Variants in MARCHF1 observed in about 807,000 individuals in gnomAD.
The protein encoded by MARCHF1 is E3 ubiquitin-protein ligase MARCHF1.
Under a neutral mutation model 54.2 loss-of-function variants are expected in MARCHF1, and 40 were observed. The ratio of observed to expected loss-of-function variants is 0.74; its 90% CI spans 0.57 to 0.96. The LOEUF (loss-of-function observed/expected upper bound fraction) is 0.96, where lower values mean the gene tolerates loss of function less well. Among genes scored for constraint, MARCHF1 ranks in the 40% least tolerant of loss-of-function variants. The pLI, the probability that MARCHF1 is intolerant of heterozygous loss-of-function variation, is 0.00. For synonymous variants in MARCHF1, 236 were observed against 236.3 expected (o/e 1.00, Z 0.01); for missense variants, 586 against 656.5 (o/e 0.89, Z 1.17).
intron 1 of MARCHF1, among the ~76,000 whole-genome samples, chr4:164,362,736 A>G (rs572584381): frequency 2.6e-4 from 40 of 152,310 alleles, no homozygotes; most frequent in Non-Finnish European, 3.8e-4. Context: ...AACATAATTT[A>G]GTGAGAGACA....
chr4:164,327,530 T>C (rs1348912609), intron 1 of MARCHF1, among the ~76,000 whole-genome samples: 1 of 152,128 alleles, frequency 6.6e-6, no homozygotes, highest in African/African-American at 2.4e-5. Flanking sequence ...AAAAATAGTA[T>C]GCTTGGGAAT....
intron 8 of MARCHF1, among the ~76,000 whole-genome samples, chr4:163,581,450 G>A (rs1363311793): frequency 2.0e-5 from 3 of 152,108 alleles, no homozygotes; most frequent in East Asian, 3.8e-4. Flanking sequence ...TCATTCAAAG[G>A]GTGCAGGAAG....
rs1180929026 is a variant in MARCHF1, at chr4:163,894,329, G to T, written c.-38-40160C>A. 4.0e-5 allele frequency among the ~76,000 whole-genome samples: 6 copies of T among 151,704 alleles called. 1 individual carries two copies. The East Asian group carries it at 9.7e-4, about 25-fold the overall frequency. On this transcript the variant is annotated intron_variant, in intron 3 of 9. Transcript: ENST00000514618. The stretch of plus-strand genomic sequence containing the variant: ...TACTTGTGTAAATCAGCACATGGGG[G>T]TATAAGAAAATATAGAACAAAAATT...
intron 2 of MARCHF1, among the ~76,000 whole-genome samples, chr4:164,062,201 A>C (rs554511933): frequency 2.0e-5 from 3 of 152,182 alleles, no homozygotes; most frequent in Non-Finnish European, 4.4e-5. Flanking sequence ...TTTAAATTTT[A>C]TCATGAGATT....
At chr4:163,733,258 T>TATACACATATATATATATACAC (rs1554008879) in intron 4 of MARCHF1, among the ~76,000 whole-genome samples, 1 of 45,062 alleles carries the variant, frequency 2.2e-5, no homozygotes, top group African/African-American at 6.6e-5. Context: ...TATATATATA[T>TATACACATATATATATATACAC]ACACACACAC....
intron 5 of MARCHF1, among the ~76,000 whole-genome samples, chr4:163,638,717 C>T (rs1742441643): frequency 6.6e-6 from 1 of 152,102 alleles, no homozygotes; most frequent in Non-Finnish European, 1.5e-5. Flanking sequence ...TGTACATTCA[C>T]ATTCATTGAA....
Position 164,261,423 on chromosome 4 carries a change from C to T in MARCHF1, c.-323+122447G>A, listed in dbSNP as rs1346477018. On this transcript the variant is annotated intron_variant, in intron 1 of 9. Coordinates refer to ENST00000514618, the MANE Select transcript of MARCHF1 (RefSeq NM_001394959.1). ...TCACTTCAATGAATTCTTCATTCAG[C>T]AAAATTTTTAAGGTACCTTAAAAAA... is the stretch of plus-strand genomic sequence containing the variant. Among the ~76,000 whole-genome samples, 5 of 152,090 alleles carry T rather than the reference C, an allele frequency of 3.3e-5. No homozygotes were observed. The East Asian group carries it at 9.6e-4, about 29-fold the overall frequency.
chr4:164,317,075 C>T (rs1254455301), intron 1 of MARCHF1, among the ~76,000 whole-genome samples: 1 of 152,058 alleles, frequency 6.6e-6, no homozygotes, highest in African/African-American at 2.4e-5. Flanking sequence ...CTATTATTGC[C>T]TTGATCATTA....
chr4:164,028,435 G>A (rs897051307), intron 2 of MARCHF1, among the ~76,000 whole-genome samples: 1 of 152,086 alleles, frequency 6.6e-6, no homozygotes, highest in Admixed American at 6.6e-5. Context: ...CACAAATGCT[G>A]CTAGAGGCCA....
chr4:163,952,833 T>C (rs1313801189), intron 3 of MARCHF1, among the ~76,000 whole-genome samples: 1 of 152,194 alleles, frequency 6.6e-6, no homozygotes, highest in Non-Finnish European at 1.5e-5. Flanking sequence ...TCTGAAATTT[T>C]TCCTAGGGAC....
chr4:164,274,294 C>A (rs1733816566), intron 1 of MARCHF1, among the ~76,000 whole-genome samples: 1 of 152,106 alleles, frequency 6.6e-6, no homozygotes, highest in East Asian at 1.9e-4. Context: ...TGACTCAGGG[C>A]CTTATCCATA....
intron 2 of MARCHF1, among the ~76,000 whole-genome samples, chr4:164,095,955 GC>G (rs1755401630): frequency 2.0e-5 from 3 of 152,142 alleles, no homozygotes; most frequent in Non-Finnish European, 4.4e-5. Flanking sequence ...GAACGCTCAT[GC>G]AGTGCTGCTG....
intron 2 of MARCHF1, among the ~76,000 whole-genome samples, chr4:164,101,118 AC>A (rs1340310903): frequency 6.6e-6 from 1 of 152,218 alleles, no homozygotes; most frequent in East Asian, 1.9e-4. Flanking sequence ...TCCTACGCCC[AC>A]GGAGTCTTGC....
At chr4:163,659,175 T>G (rs1312703826) in intron 5 of MARCHF1, among the ~76,000 whole-genome samples, 1 of 151,984 alleles carries the variant, frequency 6.6e-6, no homozygotes, top group African/African-American at 2.4e-5. Context: ...TAGTCTAGAT[T>G]TTTACTCAGA....
rs115034161 is a variant in MARCHF1 at position 164,057,604 on chromosome 4, C to G, written c.-248+53984G>C. ...TTTTTAGAAGATGCAATTTATGCAA[C>G]TCAGACATGAAGCATGAAGCAACTA... On this transcript the variant is annotated intron_variant, in intron 2 of 9. Coordinates refer to ENST00000514618, the MANE Select transcript of MARCHF1 (RefSeq NM_001394959.1). Among the ~76,000 whole-genome samples the G allele has an allele frequency of 3.1e-3, 465 of 152,142 alleles. 3 individuals are homozygous for G. The highest frequency in any genetic ancestry group is 0.01 in the African/African-American group (435 of 41,504).
intron 5 of MARCHF1, among the ~76,000 whole-genome samples, chr4:163,652,552 C>T (rs1002752269): frequency 6.6e-6 from 1 of 151,722 alleles, no homozygotes; most frequent in Non-Finnish European, 1.5e-5. Flanking sequence ...CATCTCAAGC[C>T]CTTGTTATTT....
chr4:163,785,806 T>C (rs1363607748), intron 4 of MARCHF1, among the ~76,000 whole-genome samples: 1 of 152,048 alleles, frequency 6.6e-6, no homozygotes, highest in Non-Finnish European at 1.5e-5. Flanking sequence ...CCAACACTTG[T>C]GAATATGTTA....
At position 164,265,615 on chromosome 4, in the gene MARCHF1, T is replaced by A. The variant is rs981885082; in HGVS notation, c.-323+118255A>T. On this transcript the variant is annotated intron_variant, in intron 1 of 9. Coordinates refer to ENST00000514618, the MANE Select transcript of MARCHF1 (RefSeq NM_001394959.1). Reference sequence around the variant, plus strand: ...TCAATTGTTTGTACTGACATTAACATCCCAAATCCTTAGCATGGCCTACAA... The same window carrying A: ...TCAATTGTTTGTACTGACATTAACAACCCAAATCCTTAGCATGGCCTACAA... Among the ~76,000 whole-genome samples the A allele has an allele frequency of 2.6e-4, 40 of 151,918 alleles. 1 individual carries two copies. Among genetic ancestry groups the A allele is most frequent in the Non-Finnish European group, 4.1e-4 (28 of 68,032 alleles).
chr4:163,795,054 T>C (rs536983553), intron 4 of MARCHF1, among the ~76,000 whole-genome samples: 1 of 152,172 alleles, frequency 6.6e-6, no homozygotes, highest in South Asian at 2.1e-4. Flanking sequence ...TCTCTGTTGA[T>C]TGGAATTGAA....
Sources: allele counts gnomAD v4.1 joint callset (sites outside exome capture counted in the v4.1 genomes callset), GRCh38; gene constraint gnomAD v4.1.1; transcripts MANE v1.5; gene names NCBI Gene and HGNC (gene_info 2026-07-23, HGNC 2026-07-21).